KIF26B: variants seen among roughly 807,000 people sequenced by gnomAD.
KIF26B encodes the protein kinesin-like protein KIF26B.
Under a neutral mutation model 151.2 loss-of-function variants are expected in KIF26B, and 63 were observed. That is an observed-to-expected ratio of 0.42 (90% CI 0.34 to 0.51). KIF26B has a LOEUF of 0.51. KIF26B is among the 20% of genes least tolerant of loss of function. The pLI is 0.07. For missense variants in KIF26B, 2,813 were observed against 2,913.6 expected (o/e 0.97, Z 0.79); for synonymous variants, 1,357 against 1,262.1 (o/e 1.08, Z -1.59).
chr1:245,442,129 C>T (rs1659119412), intron 4 of KIF26B, among the ~76,000 whole-genome samples: 1 of 152,176 alleles, frequency 6.6e-6, no homozygotes, highest in African/African-American at 2.4e-5. Context: ...ATTTTTAAAA[C>T]AATACTATGG....
chr1:245,478,174 C>T (rs919399358), intron 4 of KIF26B, among the ~76,000 whole-genome samples: 8 of 151,772 alleles, frequency 5.3e-5, no homozygotes, highest in African/African-American at 1.7e-4. Context: ...AGCACCTATT[C>T]CTTTCTGTGT....
At chr1:245,464,799 C>A (rs896487351) in intron 4 of KIF26B, among the ~76,000 whole-genome samples, 5 of 151,792 alleles carry the variant, frequency 3.3e-5, no homozygotes, top group Non-Finnish European at 7.4e-5. Flanking sequence ...GGGACACTGA[C>A]ATGAAATCTG....
At position 245,270,689 on chromosome 1, in the gene KIF26B, T is replaced by C. The variant is rs890378065; in HGVS notation, c.466-96145T>C. Among the ~76,000 whole-genome samples, 9 of 152,196 alleles carry C rather than the reference T, an allele frequency of 5.9e-5. No homozygotes were observed. In the East Asian group the frequency reaches 1.7e-3, roughly 29 times the overall value. ...AGATATCAATCTCTTTTCAGATAGA[T>C]GGTTTGCATGTATTTTCTCCCACTG... On this transcript the variant is annotated intron_variant, in intron 2 of 14. Coordinates refer to ENST00000407071, the MANE Select transcript of KIF26B (RefSeq NM_018012.4).
chr1:245,366,543 A>G (rs1672957633), intron 2 of KIF26B, among the ~76,000 whole-genome samples: 1 of 119,714 alleles, frequency 8.4e-6, no homozygotes, highest in African/African-American at 5.4e-5. Context: ...AAAAAAAAAG[A>G]AAAAAAAAAA....
At chr1:245,652,149 A>G (rs10924279) in intron 10 of KIF26B, among the ~76,000 whole-genome samples, 1 of 113,710 alleles carries the variant, frequency 8.8e-6, no homozygotes. Context: ...TGTGTGTGAG[A>G]GAGACATATG....
chr1:245,592,722 C>T (rs148467188), intron 5 of KIF26B, among the ~76,000 whole-genome samples: 182 of 152,068 alleles, frequency 1.2e-3, no homozygotes, highest in African/African-American at 4.0e-3. Context: ...GATAAAGCCC[C>T]CTGATCTTTG....
At chr1:245,382,742 A>G (rs964575647) in intron 3 of KIF26B, among the ~76,000 whole-genome samples, 3 of 151,648 alleles carry the variant, frequency 2.0e-5, no homozygotes, top group African/African-American at 7.3e-5. Context: ...CTAATTTTGT[A>G]TTTTTAGTAC....
In KIF26B at chr1:245,601,295, T is replaced by C. The variant is rs2043393539; in HGVS notation, c.1351-1282T>C. On this transcript the variant is annotated intron_variant, in intron 5 of 14. Coordinates refer to ENST00000407071, the MANE Select transcript of KIF26B (RefSeq NM_018012.4). This position sits in a 1 kb window ranked among gnomAD's most constrained non-coding sequence, Gnocchi z 4.4. ...CGGACCCAGTGCCCTTGGGATTCTT[T>C]ACCTTCAGCTTTGCTCACTGCAGAT... Among the ~76,000 whole-genome samples the C allele has an allele frequency of 6.6e-6, 1 of 152,240 alleles. No homozygotes were observed. Among genetic ancestry groups the C allele is most frequent in the Admixed American group, 6.5e-5 (1 of 15,286 alleles).
chr1:245,319,015 T>A (rs954274456), intron 2 of KIF26B, among the ~76,000 whole-genome samples: 1 of 152,220 alleles, frequency 6.6e-6, no homozygotes, highest in Non-Finnish European at 1.5e-5. Context: ...CAGTTTTGGG[T>A]GCCTACGGCT....
intron 2 of KIF26B, among the ~76,000 whole-genome samples, chr1:245,162,113 C>G (rs149428842): frequency 1.4e-3 from 214 of 152,340 alleles, no homozygotes; most frequent in Middle Eastern, 0.01. Flanking sequence ...CATTTCAGTG[C>G]CCCATCGGCA....
At chr1:245,333,745 C>T (rs1252120743) in intron 2 of KIF26B, among the ~76,000 whole-genome samples, 2 of 152,190 alleles carry the variant, frequency 1.3e-5, no homozygotes, top group African/African-American at 4.8e-5. Flanking sequence ...TACCTGTAAT[C>T]CCAGCACTTC....
intron 2 of KIF26B, among the ~76,000 whole-genome samples, chr1:245,316,284 G>T (rs1046674518): frequency 2.6e-5 from 4 of 151,978 alleles, no homozygotes; most frequent in Non-Finnish European, 5.9e-5. Flanking sequence ...ACCATGCCTG[G>T]CTAATTTTTT....
chr1:245,225,302 G>A (rs1669851414), intron 2 of KIF26B, among the ~76,000 whole-genome samples: 1 of 152,186 alleles, frequency 6.6e-6, no homozygotes, highest in Admixed American at 6.6e-5. Context: ...GGGTCCTGGG[G>A]GTGCCCTTTG....
chr1:245,562,341 T>C (rs1224433745), intron 5 of KIF26B, among the ~76,000 whole-genome samples: 1 of 152,200 alleles, frequency 6.6e-6, no homozygotes, highest in East Asian at 1.9e-4. Context: ...TTTTACGTTA[T>C]ACTTTCAATA....
chr1:245,660,098 A>G (rs1045622685), intron 10 of KIF26B, among the ~76,000 whole-genome samples: 6 of 151,894 alleles, frequency 4.0e-5, no homozygotes, highest in Non-Finnish European at 8.8e-5. Context: ...TTCTATGGCA[A>G]TAATAATAAA....
At chr1:245,353,259 A>G (rs1460037887) in intron 2 of KIF26B, among the ~76,000 whole-genome samples, 1 of 152,134 alleles carries the variant, frequency 6.6e-6, no homozygotes, top group East Asian at 1.9e-4. Flanking sequence ...CCTCTTTCAC[A>G]TACTAGCTTG....
In KIF26B at chr1:245,510,991, A is replaced by C. The variant is rs892378011; in HGVS notation, c.1167-29776A>C. ...GCCTTTCCTCCTTCACCTTCGCACA[A>C]TTTTACTTTCTCCTGAGATGGCCCC... On this transcript the variant is annotated intron_variant, in intron 4 of 14. Coordinates refer to ENST00000407071, the MANE Select transcript of KIF26B (RefSeq NM_018012.4). 5.9e-6 allele frequency: 4 copies of C among 677,760 alleles called. No homozygotes were observed. In the African/African-American group the frequency reaches 7.2e-5, roughly 12 times the overall value. 42.0% of individuals were successfully genotyped at this position (677,760 alleles called of 1,614,324 possible). A position where few individuals can be genotyped will look rare whatever the true frequency, so the allele number is the denominator to read the frequency against.
intron 4 of KIF26B, among the ~76,000 whole-genome samples, chr1:245,438,651 C>T (rs1658990762): frequency 6.6e-6 from 1 of 152,044 alleles, no homozygotes; most frequent in African/African-American, 2.4e-5. Context: ...CCCAAATATC[C>T]ACCAACTGAT....
At chr1:245,455,985 A>T (rs2103055319) in intron 4 of KIF26B, among the ~76,000 whole-genome samples, 1 of 152,198 alleles carries the variant, frequency 6.6e-6, no homozygotes, top group East Asian at 1.9e-4. Flanking sequence ...CTGGCCCATT[A>T]AAAAAAATTG....
Sources: gnomAD v4.1 joint callset for allele counts (sites outside exome capture counted in the v4.1 genomes callset) on GRCh38, gnomAD v4.1.1 for gene constraint, Gnocchi (gnomAD v3.1) non-coding constraint, MANE v1.5 for transcripts, NCBI Gene and HGNC (gene_info 2026-07-23, HGNC 2026-07-21) for gene names.